Variants in CNTN6 observed in about 807,000 individuals in gnomAD.
The protein encoded by CNTN6 is contactin-6.
A neutral mutation model predicts 122.8 loss-of-function variants in CNTN6; 137 were observed. The observed-to-expected ratio is 1.12, with a 90% CI of 0.97 to 1.29. The LOEUF (loss-of-function observed/expected upper bound fraction) is 1.29. Ranked by LOEUF, CNTN6 falls within the 50% of genes most tolerant of loss-of-function variation. The probability of loss-of-function intolerance (pLI) is 0.00; values close to 1 mark genes in which losing one functional copy is unlikely to be tolerated. For missense variants in CNTN6, 1,634 were observed against 1,223.4 expected, an observed-to-expected ratio of 1.34 and a Z score of -5.01; for synonymous variants, 570 against 426.0, an observed-to-expected ratio of 1.34 and a Z score of -4.16.
chr3:1,098,783 CACACACAT>C (rs1559305579), intron 1 of CNTN6, among the ~76,000 whole-genome samples: 1 of 54,126 alleles, frequency 1.8e-5, no homozygotes, highest in African/African-American at 2.8e-4. Context: ...CACACACACA[CACACACAT>C]ATATATATAT....
intron 10 of CNTN6, among the ~76,000 whole-genome samples, chr3:1,328,691 A>T (rs1322886669): frequency 6.6e-6 from 1 of 151,818 alleles, no homozygotes; most frequent in Admixed American, 6.6e-5. Context: ...ATCAGAAGTA[A>T]AAACATGCAT....
intron 4 of CNTN6, among the ~76,000 whole-genome samples, chr3:1,262,892 A>G (rs1421074322): frequency 6.6e-6 from 1 of 152,070 alleles, no homozygotes; most frequent in Non-Finnish European, 1.5e-5. Context: ...ATATAAATAA[A>G]TCCAAGAAGA....
chr3:1,116,315 G>A (rs2091717159), intron 1 of CNTN6, among the ~76,000 whole-genome samples: 1 of 152,040 alleles, frequency 6.6e-6, no homozygotes, highest in African/African-American at 2.4e-5. Context: ...AGGAATGAGT[G>A]GATTATCTGA....
intron 5 of CNTN6, among the ~76,000 whole-genome samples, chr3:1,291,974 G>C (rs1695402188): frequency 6.6e-6 from 1 of 151,840 alleles, no homozygotes; most frequent in Non-Finnish European, 1.5e-5. Context: ...GGAATGTTGA[G>C]GCTGAAGGAA....
At chr3:1,268,177 G>C (rs1016959169) in intron 4 of CNTN6, among the ~76,000 whole-genome samples, 18 of 152,228 alleles carry the variant, frequency 1.2e-4, no homozygotes, top group Non-Finnish European at 2.1e-4. Context: ...GGCAGCCTAG[G>C]ATTTTTCTGG....
Position 1,385,655 on chromosome 3 carries a change from A to G in CNTN6, c.2562A>G (p.Lys854=). The G allele has an allele frequency of 6.2e-7, 1 of 1,614,072 alleles. No individual in the cohort carries two copies. The highest frequency in any genetic ancestry group is 8.5e-7 in the Non-Finnish European group (1 of 1,179,944). The change falls in exon 20 of 23, where the codon AAA becomes AAG. Residue 854 remains lysine, a synonymous_variant. Transcript: ENST00000446702. ...ACTCCAAAGAATCCATGATAGGTAA[A>G]ATTAGAGTCAGTGGAAATGTCACAA... ...TDDSKESMIG[K]IRVSGNVTTK...
At chr3:1,305,704 C>A (rs1698246597) in intron 7 of CNTN6, among the ~76,000 whole-genome samples, 1 of 148,648 alleles carries the variant, frequency 6.7e-6, no homozygotes. Flanking sequence ...CCTTTTCTGT[C>A]AGTGTTCTGG....
rs370109097 is a variant in CNTN6 at position 1,385,499 on chromosome 3, A to G, written c.2518-112A>G. On this transcript the variant is annotated intron_variant, in intron 19 of 22. Transcript: ENST00000446702. ...ATTAGAAAACGTTTTTGTCATCTAT[A>G]CTTCTGTCTTCTTCCCATATTCCTT... 1,264 of 728,588 alleles carry G rather than the reference A, an allele frequency of 1.7e-3. 36 individuals are homozygous for G. The South Asian group carries it at 0.034, about 19-fold the overall frequency. The allele number at this position is 728,588 out of a possible 1,614,324, so 45.1% of individuals were successfully genotyped here.
chr3:1,380,619 C>G (rs1276164827), intron 17 of CNTN6, among the ~76,000 whole-genome samples: 3 of 152,098 alleles, frequency 2.0e-5, no homozygotes, highest in South Asian at 2.1e-4. Context: ...AAGGGCCAGA[C>G]AGTAAAAATA....
chr3:1,265,044 CTTTTTTTTTTT>C (rs201949693), intron 4 of CNTN6, among the ~76,000 whole-genome samples: 1 of 100,776 alleles, frequency 9.9e-6, no homozygotes, highest in East Asian at 3.1e-4. Context: ...ACCGAATTTC[CTTTTTTTTTTT>C]TTTTTTTTGG....
At chr3:1,348,697 A>G (rs1705150395) in intron 11 of CNTN6, among the ~76,000 whole-genome samples, 1 of 152,084 alleles carries the variant, frequency 6.6e-6, no homozygotes, top group South Asian at 2.1e-4. Flanking sequence ...ACTTGCTAAA[A>G]TAAGTGTTTT....
At chr3:1,376,493 G>C (rs72995970) in intron 16 of CNTN6, among the ~76,000 whole-genome samples, 4,578 of 152,206 alleles carry the variant, frequency 0.03, 100 homozygotes, top group Non-Finnish European at 0.044. Flanking sequence ...TCTCCCGAGA[G>C]ATTTGAGATT....
intron 8 of CNTN6, among the ~76,000 whole-genome samples, chr3:1,325,543 C>T (rs1455673951): frequency 6.6e-6 from 1 of 151,778 alleles, no homozygotes; most frequent in African/African-American, 2.4e-5. Context: ...ACATTTTGCC[C>T]TTTTCCCACA....
intron 11 of CNTN6, among the ~76,000 whole-genome samples, chr3:1,349,537 C>T (rs991850407): frequency 1.3e-5 from 2 of 151,764 alleles, no homozygotes; most frequent in African/African-American, 4.8e-5. Context: ...AAAAATCAGT[C>T]TCTCTCTATG....
rs2125925647 is a variant in CNTN6 at position 1,311,364 on chromosome 3, TATGTACATATAAAATGTC to T, written c.762-10285_762-10268del. 2.4e-5 allele frequency among the ~76,000 whole-genome samples: 3 copies of T among 123,788 alleles called. No homozygotes were observed. In the East Asian group the frequency reaches 7.4e-4, roughly 31 times the overall value. The allele number at this position is 123,788 out of a possible 152,430, so 81.2% of individuals were successfully genotyped here. On this transcript the variant is annotated intron_variant, in intron 7 of 22. Transcript: ENST00000446702. ...TATAAAATGTCTTTATATGTACATA[TATGTACATATAAAATGTC>T]TTTATATGTACATATATGTACATAT...
At chr3:1,364,457 GTTA>G (rs1707924233) in intron 12 of CNTN6, among the ~76,000 whole-genome samples, 1 of 151,442 alleles carries the variant, frequency 6.6e-6, no homozygotes, top group Non-Finnish European at 1.5e-5. Flanking sequence ...CACCTTAGCA[GTTA>G]TTATTCTGAA....
chr3:1,252,618 C>G (rs563567453), intron 4 of CNTN6, among the ~76,000 whole-genome samples: 1 of 152,068 alleles, frequency 6.6e-6, no homozygotes, highest in Non-Finnish European at 1.5e-5. Context: ...TAATAAAATA[C>G]GGAGAACAAT....
At chr3:1,290,757 A>T (rs1328234656) in intron 5 of CNTN6, among the ~76,000 whole-genome samples, 1 of 152,210 alleles carries the variant, frequency 6.6e-6, no homozygotes, top group African/African-American at 2.4e-5. Flanking sequence ...TAGACCATAT[A>T]GGGTAACTTT....
rs532216420 is a variant in CNTN6 at position 1,261,687 on chromosome 3, T to C, written c.359-16726T>C. 5.3e-5 allele frequency among the ~76,000 whole-genome samples: 8 copies of C among 152,248 alleles called. No homozygotes were observed. The South Asian group carries it at 1.2e-3, about 24-fold the overall frequency. On this transcript the variant is annotated intron_variant, in intron 4 of 22. Transcript: ENST00000446702. ...ACTTCCTAAATGGGTTGAACAGATA[T>C]ATGGGATATGGGGCACCTACAGTGG...
Sources: gnomAD v4.1 joint callset for allele counts (sites outside exome capture counted in the v4.1 genomes callset) on GRCh38, gnomAD v4.1.1 for gene constraint, MANE v1.5 for transcripts, NCBI Gene and HGNC (gene_info 2026-07-23, HGNC 2026-07-21) for gene names.